The following TMEM204 variants were observed in gnomAD, a reference collection of about 807,000 sequenced individuals.
The protein encoded by TMEM204 is transmembrane protein 204.
Under a neutral mutation model 19.4 loss-of-function variants are expected in TMEM204, and 15 were observed. The ratio of observed to expected loss-of-function variants is 0.77; its 90% CI spans 0.52 to 1.19. The LOEUF (loss-of-function observed/expected upper bound fraction) is 1.19, where lower values mean the gene tolerates loss of function less well. TMEM204 is among the 50% of genes most tolerant of loss of function. The pLI is 0.00. For missense variants in TMEM204, 287 were observed against 321.2 expected, an observed-to-expected ratio of 0.89 and a Z score of 0.81; for synonymous variants, 161 against 146.0, an observed-to-expected ratio of 1.10 and a Z score of -0.74.
upstream of TMEM204, among the ~76,000 whole-genome samples, chr16:1,529,063 C>T (rs1449221101): frequency 2.6e-5 from 4 of 152,168 alleles, no homozygotes; most frequent in Non-Finnish European, 5.9e-5. Flanking sequence ...ATGGGCCCTG[C>T]GGTGGTGTCT....
chr16:1,544,460 T>C (rs1290691789), intron 2 of TMEM204, among the ~76,000 whole-genome samples: 31 of 150,026 alleles, frequency 2.1e-4, no homozygotes, highest in East Asian at 6.1e-4. Context: ...GCTAGGATTA[T>C]AGGCGTGAGC....
upstream of TMEM204, among the ~76,000 whole-genome samples, chr16:1,529,910 C>T (rs76955631): frequency 2.0e-3 from 297 of 152,192 alleles, no homozygotes; most frequent in African/African-American, 6.6e-3. Flanking sequence ...ATCTGAATCT[C>T]AAAAGAAACA....
intron 1 of TMEM204, chr16:1,541,545 G>A: frequency 1.0e-6 from 1 of 974,568 alleles, no homozygotes; most frequent in Non-Finnish European, 1.2e-6. Flanking sequence ...AGGGAAGCCG[G>A]TGTTGCTGGT....
chr16:1,535,054 A>AG (rs1290368762), intron 1 of TMEM204, among the ~76,000 whole-genome samples: 1 of 152,214 alleles, frequency 6.6e-6, no homozygotes, highest in East Asian at 1.9e-4. Context: ...ACATAAAAAA[A>AG]AAATGAAAAT....
At chr16:1,535,328 G>A (rs772531969) in intron 1 of TMEM204, among the ~76,000 whole-genome samples, 1 of 152,182 alleles carries the variant, frequency 6.6e-6, no homozygotes, top group Admixed American at 6.5e-5. Context: ...CAGGTGTGAG[G>A]CTGCATAAAT....
At chr16:1,536,864 C>T (rs149891354) in intron 1 of TMEM204, among the ~76,000 whole-genome samples, 6 of 152,332 alleles carry the variant, frequency 3.9e-5, no homozygotes, top group East Asian at 3.9e-4. Context: ...CCCCCACTCA[C>T]GTGCACCCAT....
chr16:1,548,690 T>C (rs967714914), intron 2 of TMEM204, among the ~76,000 whole-genome samples: 2 of 152,196 alleles, frequency 1.3e-5, no homozygotes, highest in African/African-American at 2.4e-5. Context: ...GCCCCAGCCC[T>C]GTCTCCTTCC....
At chr16:1,544,242 G>A (rs1318255439) in intron 2 of TMEM204, among the ~76,000 whole-genome samples, 1 of 149,188 alleles carries the variant, frequency 6.7e-6, no homozygotes, top group Non-Finnish European at 1.5e-5. Context: ...GGAGTGCCGT[G>A]GCACAATCTC....
chr16:1,552,923 G>A (rs567177417), intron 2 of TMEM204: 23 of 974,514 alleles, frequency 2.4e-5, no homozygotes, highest in African/African-American at 3.5e-5. Context: ...AAAGTGCTGC[G>A]ATTATAGGCG....
At position 1,534,226 on chromosome 16, in the gene TMEM204, C is replaced by T. The variant is rs758738100; in HGVS notation, c.-50C>T. On this transcript the variant is annotated 5_prime_UTR_variant, in exon 1 of 3. Coordinates refer to ENST00000566264, the MANE Select transcript of TMEM204 (RefSeq NM_024600.6). ...TCGGCTCTCCCTGGACGTGCGGCCG[C>T]GGACTGGGACTTGGCTTTCTCCGGA... The T allele has an allele frequency of 2.3e-5, 37 of 1,597,164 alleles. No homozygotes were observed. The highest frequency in any genetic ancestry group is 6.7e-5 in the East Asian group (3 of 44,854).
chr16:1,541,759 G>T (rs553062213), intron 1 of TMEM204, among the ~76,000 whole-genome samples, 162 bp from the exon 2 acceptor site: 2 of 152,318 alleles, frequency 1.3e-5, no homozygotes, highest in East Asian at 3.9e-4. Flanking sequence ...GGCAGGTGAG[G>T]GGGAGGGCGT....
intron 2 of TMEM204, among the ~76,000 whole-genome samples, chr16:1,549,180 C>T (rs2032431192): frequency 6.6e-6 from 1 of 152,280 alleles, no homozygotes; most frequent in Admixed American, 6.5e-5. Flanking sequence ...CCAAACCCCT[C>T]TCTACCCTAG....
At position 1,542,103 on chromosome 16, in the gene TMEM204, C is replaced by A. The variant is rs553449841; in HGVS notation, c.436+27C>A. 27 of 1,560,744 alleles carry A rather than the reference C, an allele frequency of 1.7e-5. No homozygotes were observed. In the African/African-American group the frequency reaches 2.4e-4, roughly 14 times the overall value. On this transcript the variant is annotated intron_variant, in intron 2 of 2. Transcript: ENST00000566264. Reference sequence around the variant, plus strand: ...TAAGTACCTGGGCGGGTGTGGCCACCGCGCCCTTGCCCCCTGTGGCCTTCT... The same window carrying A: ...TAAGTACCTGGGCGGGTGTGGCCACAGCGCCCTTGCCCCCTGTGGCCTTCT...
rs994927586 is a variant in TMEM204, at chr16:1,553,220, G to A, written c.437-1562G>A. ...TGTGTCTCTGTCTCTGTCTCTCTCT[G>A]TCTCCATCTGTCTCTGTGTCTGTCT... On this transcript the variant is annotated intron_variant, in intron 2 of 2. Coordinates refer to ENST00000566264, the MANE Select transcript of TMEM204 (RefSeq NM_024600.6). The surrounding 1 kb of genome is among the most constrained non-coding windows in gnomAD (Gnocchi z 4.4). 2 of 977,240 alleles carry A rather than the reference G, an allele frequency of 2.0e-6. No individual in the cohort carries two copies. Among genetic ancestry groups the A allele is most frequent in the African/African-American group, 3.5e-5 (2 of 56,938 alleles). The allele number at this position is 977,240 out of a possible 1,614,324, so 60.5% of individuals were successfully genotyped here.
chr16:1,544,384 A>T (rs2031957339), intron 2 of TMEM204, among the ~76,000 whole-genome samples: 1 of 151,514 alleles, frequency 6.6e-6, no homozygotes, highest in African/African-American at 2.4e-5. Context: ...ATGGGGTTTC[A>T]CTATGTTCGC....
chr16:1,547,317 C>T (rs145260329), intron 2 of TMEM204, among the ~76,000 whole-genome samples: 6 of 152,242 alleles, frequency 3.9e-5, no homozygotes, highest in South Asian at 4.1e-4. Flanking sequence ...TGTAGAAGTC[C>T]GCTCTTCGTG....
Position 1,553,900 on chromosome 16 carries a change from G to T in TMEM204, c.437-882G>T. ...GTCACGAAACCCTGATTTTCCTGTTGTAAGAACTAAAAAGGTCTTTGGAGC... is the reference window on the plus strand; with the variant it reads ...GTCACGAAACCCTGATTTTCCTGTTTTAAGAACTAAAAAGGTCTTTGGAGC... On this transcript the variant is annotated intron_variant, in intron 2 of 2. Transcript: ENST00000566264. The surrounding 1 kb of genome is among the most constrained non-coding windows in gnomAD (Gnocchi z 4.4). The T allele has an allele frequency of 1.3e-5, 17 of 1,271,662 alleles. No homozygotes were observed. The highest frequency in any genetic ancestry group is 1.7e-5 in the Non-Finnish European group (17 of 978,522). 78.8% of individuals were successfully genotyped at this position (1,271,662 alleles called of 1,614,324 possible). A position where few individuals can be genotyped will look rare whatever the true frequency, so the allele number is the denominator to read the frequency against.
At chr16:1,549,329 C>A (rs754673810) in intron 2 of TMEM204, among the ~76,000 whole-genome samples, 5 of 152,262 alleles carry the variant, frequency 3.3e-5, no homozygotes, top group Admixed American at 6.5e-5. Context: ...TCTGTGGCAA[C>A]AAAAATGCCA....
chr16:1,554,747 C>T (rs375428942), intron 2 of TMEM204, 35 bp from the exon 3 acceptor site: 19 of 1,608,342 alleles, frequency 1.2e-5, no homozygotes, highest in Non-Finnish European at 1.5e-5. Context: ...GCCTTCCTCT[C>T]AGACAAGGCC....
Sources: gnomAD v4.1 joint callset for allele counts (sites outside exome capture counted in the v4.1 genomes callset) on GRCh38, gnomAD v4.1.1 for gene constraint, Gnocchi (gnomAD v3.1) non-coding constraint, MANE v1.5 for transcripts, NCBI Gene and HGNC (gene_info 2026-07-23, HGNC 2026-07-21) for gene names.